Variants in FOXN3 observed in about 807,000 individuals in gnomAD.
The protein encoded by FOXN3 is forkhead box N3, also known as forkhead box protein N3.
A neutral mutation model predicts 38.4 loss-of-function variants in FOXN3; 7 were observed. The ratio of observed to expected loss-of-function variants is 0.18; its 90% CI spans 0.10 to 0.34. The LOEUF is 0.34. Among genes scored for constraint, FOXN3 ranks in the 10% least tolerant of loss-of-function variants. The probability of loss-of-function intolerance (pLI) is 1.00; values close to 1 mark genes in which losing one functional copy is unlikely to be tolerated. For missense variants in FOXN3, 456 were observed against 613.4 expected (o/e 0.74, Z 2.71); for synonymous variants, 230 against 242.2 (o/e 0.95, Z 0.47).
At chr14:89,546,332 T>TTTTTTTTTC (rs1894882209) in intron 1 of FOXN3, among the ~76,000 whole-genome samples, 3 of 78,476 alleles carry the variant, frequency 3.8e-5, no homozygotes, top group African/African-American at 1.2e-4. Flanking sequence ...CCTTTTTCTT[T>TTTTTTTTTC]TTTTTTTTTT....
At chr14:89,569,154 A>T (rs566209911) in intron 1 of FOXN3, among the ~76,000 whole-genome samples, 2 of 152,116 alleles carry the variant, frequency 1.3e-5, no homozygotes, top group Non-Finnish European at 2.9e-5. Context: ...GCAGTGAGCC[A>T]AGATCGCACC....
At position 89,301,387 on chromosome 14, in the gene FOXN3, G is replaced by A. The variant is rs548886694; in HGVS notation, c.681-20373C>T. On this transcript the variant is annotated intron_variant, in intron 3 of 5. Transcript: ENST00000557258. ...GCTACTCAGGAGGCTGAAATGGGAG[G>A]ATCACTTGAACCCAGGAACTTGTGG... is the stretch of plus-strand genomic sequence containing the variant. Among the ~76,000 whole-genome samples the A allele has an allele frequency of 2.6e-5, 4 of 152,016 alleles. No individual in the cohort carries two copies. The South Asian group carries it at 8.3e-4, about 32-fold the overall frequency.
At chr14:89,453,465 C>A (rs548977284) in intron 1 of FOXN3, among the ~76,000 whole-genome samples, 1 of 144,626 alleles carries the variant, frequency 6.9e-6, no homozygotes, top group South Asian at 2.2e-4. Flanking sequence ...GAGGCTGAAG[C>A]AGGAGAACGG....
At chr14:89,473,445 C>G (rs1023931676) in intron 1 of FOXN3, among the ~76,000 whole-genome samples, 2 of 151,440 alleles carry the variant, frequency 1.3e-5, no homozygotes, top group Non-Finnish European at 2.9e-5. Flanking sequence ...CTCACTGCAG[C>G]CTCGAACTTC....
intron 4 of FOXN3, among the ~76,000 whole-genome samples, chr14:89,272,228 G>T (rs1031179406): frequency 2.6e-5 from 4 of 151,634 alleles, no homozygotes; most frequent in Admixed American, 6.6e-5. Context: ...CAGGAGAATC[G>T]CTTGAACCCG....
At chr14:89,306,447 A>G (rs1483399961) in intron 3 of FOXN3, among the ~76,000 whole-genome samples, 2 of 151,698 alleles carry the variant, frequency 1.3e-5, no homozygotes, top group African/African-American at 4.8e-5. Flanking sequence ...GGTTCACTGC[A>G]AGCTCCGCCT....
chr14:89,489,886 CT>C (rs1212511878), intron 1 of FOXN3, among the ~76,000 whole-genome samples: 1 of 152,334 alleles, frequency 6.6e-6, no homozygotes, highest in East Asian at 1.9e-4. Context: ...GCACGCACAT[CT>C]TTCTTGAGAC....
chr14:89,313,291 C>A (rs368026890), intron 3 of FOXN3, among the ~76,000 whole-genome samples: 5 of 152,134 alleles, frequency 3.3e-5, no homozygotes, highest in African/African-American at 9.7e-5. Flanking sequence ...GACTGCCGGG[C>A]GCAGCGGCTC....
rs780891080 is a variant in FOXN3 at position 89,280,990 on chromosome 14, C to G, written c.705G>C (p.Pro235=). The change falls in exon 4 of 6, where the codon CCG becomes CCC. Residue 235 remains proline (P), a synonymous_variant. Coordinates refer to ENST00000557258, the MANE Select transcript of FOXN3 (RefSeq NM_005197.4). ...YQSTSGPPIW[P]GSTFFKRNGA... is the part of the protein sequence containing the mutation. ...CATTTCTCTTGAAGAAGGTACTGCC[C>G]GGCCAGATGGGTGGACCTGATGTGC... The G allele has an allele frequency of 1.9e-6, 3 of 1,613,638 alleles. No individual in the cohort carries two copies. Among genetic ancestry groups the G allele is most frequent in the Non-Finnish European group, 2.5e-6 (3 of 1,179,918 alleles).
chr14:89,446,177 CT>C (rs1179196246), intron 1 of FOXN3, among the ~76,000 whole-genome samples: 1,653 of 56,998 alleles, frequency 0.029, 2 homozygotes, highest in African/African-American at 0.073. Flanking sequence ...TCCTAAAAGT[CT>C]TTTTTTTTTT....
intron 2 of FOXN3, among the ~76,000 whole-genome samples, chr14:89,369,731 T>C (rs1406159583): frequency 6.6e-6 from 1 of 151,416 alleles, no homozygotes; most frequent in African/African-American, 2.4e-5. Context: ...TTGTTCACTA[T>C]CATGAGAACA....
intron 2 of FOXN3, among the ~76,000 whole-genome samples, chr14:89,387,249 C>G (rs1274827891): frequency 2.0e-5 from 3 of 152,100 alleles, no homozygotes; most frequent in African/African-American, 4.8e-5. Context: ...GAGCAAAATT[C>G]TGTCTCAATC....
intron 1 of FOXN3, among the ~76,000 whole-genome samples, chr14:89,445,596 G>A (rs1892475310): frequency 6.6e-6 from 1 of 152,186 alleles, no homozygotes; most frequent in African/African-American, 2.4e-5. Flanking sequence ...CAGCAAGGCA[G>A]CCTGGCTGCT....
Position 89,374,958 on chromosome 14 carries a change from C to G in FOXN3, c.544-24150G>C, listed in dbSNP as rs1890431151. 2.1e-5 allele frequency among the ~76,000 whole-genome samples: 3 copies of G among 141,842 alleles called. No individual in the cohort carries two copies. In the South Asian group the frequency reaches 6.6e-4, roughly 31 times the overall value. The allele number at this position is 141,842 out of a possible 152,430, so 93.1% of individuals were successfully genotyped here. ...CACCATTGCACTCCAGCCTGAGTGA[C>G]AGAGTGAGACTCCGTCTCAGAAAAA... On this transcript the variant is annotated intron_variant, in intron 2 of 5. Transcript: ENST00000557258.
intron 3 of FOXN3, among the ~76,000 whole-genome samples, chr14:89,330,459 G>C (rs536009269): frequency 7.9e-5 from 12 of 152,346 alleles, no homozygotes; most frequent in Admixed American, 4.6e-4. Flanking sequence ...TGTGAAGCAA[G>C]AGTACAGAAT....
At chr14:89,260,758 G>T (rs1885773221) in intron 4 of FOXN3, among the ~76,000 whole-genome samples, 2 of 152,196 alleles carry the variant, frequency 1.3e-5, no homozygotes, top group Admixed American at 1.3e-4. Context: ...TCTGCCATTT[G>T]TATGTTTGCA....
chr14:89,205,883 T>C (rs536258466), intron 4 of FOXN3, among the ~76,000 whole-genome samples: 2 of 152,338 alleles, frequency 1.3e-5, no homozygotes, highest in South Asian at 2.1e-4. Context: ...AATGGGGCAC[T>C]GAAGAAGCAA....
chr14:89,198,235 A>G (rs1007446424), intron 4 of FOXN3, among the ~76,000 whole-genome samples: 6 of 152,204 alleles, frequency 3.9e-5, no homozygotes, highest in Non-Finnish European at 1.5e-5. Flanking sequence ...GCCATCTAAC[A>G]ACTATTTACA....
chr14:89,295,470 C>T (rs1166430552), intron 3 of FOXN3, among the ~76,000 whole-genome samples: 2 of 152,202 alleles, frequency 1.3e-5, no homozygotes, highest in African/African-American at 4.8e-5. Flanking sequence ...TAGAACCTGG[C>T]CAGGTTCACA....
Sources: gnomAD v4.1 joint callset for allele counts (sites outside exome capture counted in the v4.1 genomes callset) on GRCh38, gnomAD v4.1.1 for gene constraint, MANE v1.5 for transcripts, NCBI Gene and HGNC (gene_info 2026-07-23, HGNC 2026-07-21) for gene names.